Variants in UBN1 observed in about 807,000 individuals in gnomAD.
UBN1 encodes the protein ubinuclein 1.
Under a neutral mutation model 108.5 loss-of-function variants are expected in UBN1, and 17 were observed. The observed-to-expected ratio is 0.16, with a 90% CI of 0.11 to 0.24. The LOEUF (loss-of-function observed/expected upper bound fraction) is 0.24, where lower values mean the gene tolerates loss of function less well. Among genes scored for constraint, UBN1 ranks in the 10% least tolerant of loss-of-function variants. The probability of loss-of-function intolerance (pLI) is 1.00; values close to 1 mark genes in which losing one functional copy is unlikely to be tolerated. For synonymous variants in UBN1, 726 were observed against 564.2 expected, an observed-to-expected ratio of 1.29 and a Z score of -4.07; for missense variants, 1,595 against 1,394.4, an observed-to-expected ratio of 1.14 and a Z score of -2.29.
At position 4,880,165 on chromosome 16, in the gene UBN1, T is replaced by G. The variant is rs759334581; in HGVS notation, c.*33T>G. ...AGAGGCAAGGCTTGCCACTTGGGTC[T>G]GGGTGGAATCAGAACGTGCAGGTCT... On this transcript the variant is annotated 3_prime_UTR_variant, in exon 18 of 18. Transcript: ENST00000262376. 2 of 1,612,806 alleles carry G rather than the reference T, an allele frequency of 1.2e-6. No individual in the cohort carries two copies. Among genetic ancestry groups the G allele is most frequent in the Admixed American group, 1.7e-5 (1 of 59,998 alleles).
At position 4,848,220 on chromosome 16, in the gene UBN1, G is replaced by GT. The variant is rs1295460277; in HGVS notation, c.-40+12dup. The GT allele has an allele frequency of 6.6e-6, 1 of 152,240 alleles. No individual in the cohort carries two copies. The highest frequency in any genetic ancestry group is 2.4e-5 in the African/African-American group (1 of 41,470). 9.4% of individuals were successfully genotyped at this position (152,240 alleles called of 1,614,324 possible). A position where few individuals can be genotyped will look rare whatever the true frequency, so the allele number is the denominator to read the frequency against. ...GGCGCTGGGGACAAAGGTGCGTGTC[G>GT]TTGTCGGGTCCGGGCTCTCTCGTTA... On this transcript the variant is annotated intron_variant, in intron 1 of 17. Transcript: ENST00000262376.
At chr16:4,852,759 A>C (rs2086618271) in intron 1 of UBN1, 120 bp from the exon 2 acceptor site, 1 of 1,104,212 alleles carries the variant, frequency 9.1e-7, no homozygotes, top group Non-Finnish European at 1.2e-6. Flanking sequence ...ATAAATGACA[A>C]AATATAACAA....
intron 2 of UBN1, among the ~76,000 whole-genome samples, chr16:4,855,159 G>A (rs1411058407): frequency 6.6e-6 from 1 of 152,148 alleles, no homozygotes; most frequent in Non-Finnish European, 1.5e-5. Flanking sequence ...GCTGGTAATT[G>A]GTTCACAGTT....
At position 4,858,609 on chromosome 16, in the gene UBN1, C is replaced by T. The variant is rs760598275; in HGVS notation, c.378C>T (p.Ile126=). The T allele has an allele frequency of 3.0e-5, 49 of 1,614,002 alleles. No individual in the cohort carries two copies. Among genetic ancestry groups the T allele is most frequent in the Admixed American group, 6.7e-5 (4 of 60,006 alleles). Residue 126 remains isoleucine (I), a synonymous_variant, in exon 4 of 18, where the codon ATC becomes ATT. Transcript: ENST00000262376. ...GAAAAGACCGAATACAGGACTTGATCGATATGGGGTATGGTTATGATGAAT... is the reference window on the plus strand; with the variant it reads ...GAAAAGACCGAATACAGGACTTGATTGATATGGGGTATGGTTATGATGAAT... ...KRRKDRIQDL[I]DMGYGYDESD...
At chr16:4,876,149 G>C (rs976314081) in intron 15 of UBN1, among the ~76,000 whole-genome samples, 1 of 151,948 alleles carries the variant, frequency 6.6e-6, no homozygotes, top group African/African-American at 2.4e-5. Flanking sequence ...TAGTAGAGAT[G>C]GAGTTTCACC....
intron 6 of UBN1, 32 bp from the exon 7 acceptor site, chr16:4,860,632 G>C: frequency 6.3e-7 from 1 of 1,586,716 alleles, no homozygotes; most frequent in Non-Finnish European, 8.5e-7. Context: ...GTGTCCTATA[G>C]TCTGAGTGAC....
intron 4 of UBN1, 135 bp downstream of exon 4, chr16:4,858,798 A>G (rs1046290249): frequency 6.2e-6 from 6 of 968,626 alleles, no homozygotes; most frequent in Non-Finnish European, 9.4e-6. Flanking sequence ...CACTGATGAG[A>G]GACGAAATGA....
chr16:4,879,955 C>A, intron 17 of UBN1, 128 bp from the exon 18 acceptor site: 1 of 971,326 alleles, frequency 1.0e-6, no homozygotes, highest in South Asian at 1.4e-5. Flanking sequence ...CTTGTTTGAG[C>A]TCTAGAACAC....
At chr16:4,863,230 T>G (rs1194187611) in intron 7 of UBN1, among the ~76,000 whole-genome samples, 2 of 152,228 alleles carry the variant, frequency 1.3e-5, no homozygotes, top group African/African-American at 4.8e-5. Context: ...TGACTTTTTA[T>G]GGTTGCATTA....
chr16:4,854,834 T>A (rs772294658), intron 2 of UBN1, among the ~76,000 whole-genome samples: 1 of 152,072 alleles, frequency 6.6e-6, no homozygotes, highest in Non-Finnish European at 1.5e-5. Context: ...GCCGTTTTCC[T>A]GTCTCAGCCT....
chr16:4,875,902 G>T (rs1005773806), intron 15 of UBN1, among the ~76,000 whole-genome samples: 1 of 152,016 alleles, frequency 6.6e-6, no homozygotes, highest in Non-Finnish European at 1.5e-5. Context: ...AATGCATCTC[G>T]CTTGTGTGTA....
chr16:4,872,306 T>C, intron 12 of UBN1: 4 of 985,396 alleles, frequency 4.1e-6, no homozygotes, highest in Non-Finnish European at 4.8e-6. Flanking sequence ...CTGTGCCCTT[T>C]AGGGAAGCAT....
At chr16:4,873,618 C>G (rs1435628856) in intron 14 of UBN1, among the ~76,000 whole-genome samples, 2 of 152,108 alleles carry the variant, frequency 1.3e-5, no homozygotes, top group African/African-American at 4.8e-5. Flanking sequence ...CTAAGCAGAC[C>G]GTGAGAATGA....
At chr16:4,860,052 A>G (rs1023001658) in intron 6 of UBN1, 84 bp downstream of exon 6, 9 of 1,558,694 alleles carry the variant, frequency 5.8e-6, no homozygotes, top group Non-Finnish European at 7.0e-6. Context: ...TCCTCCCCAC[A>G]GCTTCGGAAG....
intron 17 of UBN1, among the ~76,000 whole-genome samples, chr16:4,878,171 C>T (rs770354859): frequency 1.2e-4 from 18 of 152,244 alleles, no homozygotes; most frequent in Non-Finnish European, 2.2e-4. Flanking sequence ...GGTACCTTTG[C>T]ATTGAGTGCG....
chr16:4,863,283 A>C (rs1025091014), intron 7 of UBN1, among the ~76,000 whole-genome samples: 1 of 152,160 alleles, frequency 6.6e-6, no homozygotes, highest in Admixed American at 6.5e-5. Context: ...GCTACTCCGA[A>C]GGGTCCTCAG....
chr16:4,869,753 A>T (rs1308143876), intron 8 of UBN1, among the ~76,000 whole-genome samples: 2 of 151,884 alleles, frequency 1.3e-5, no homozygotes, highest in Non-Finnish European at 2.9e-5. Flanking sequence ...GAAGAGAAAT[A>T]TTTTTTTGCT....
intron 15 of UBN1, 38 bp from the exon 16 acceptor site, chr16:4,876,833 G>T: frequency 1.3e-6 from 2 of 1,549,808 alleles, no homozygotes; most frequent in South Asian, 1.3e-5. Flanking sequence ...CCACGAACAG[G>T]ACTGGAGTTC....
rs756121513 is a variant in UBN1 at position 4,871,159 on chromosome 16, C to A, written c.1564C>A (p.Leu522Ile). 1.2e-5 allele frequency: 19 copies of A among 1,614,066 alleles called. No individual in the cohort carries two copies. The highest frequency in any genetic ancestry group is 1.6e-5 in the Non-Finnish European group (19 of 1,179,974). Residue 522 changes from leucine to isoleucine, a missense_variant, in exon 12 of 18, where the codon CTA becomes ATA. Transcript: ENST00000262376. ...KFQWNDEIRE[L>I]LCQVVKIKLE... ...TGATTTCTGCCTCCTTCTCAGGGAG[C>A]TACTGTGCCAGGTGGTGAAGATCAA...
Sources: allele counts gnomAD v4.1 joint callset (sites outside exome capture counted in the v4.1 genomes callset), GRCh38; gene constraint gnomAD v4.1.1; transcripts MANE v1.5; gene names NCBI Gene and HGNC (gene_info 2026-07-23, HGNC 2026-07-21).